The following SORBS2 variants were observed in gnomAD, a reference collection of about 807,000 sequenced individuals.
The protein encoded by SORBS2 is sorbin and SH3 domain containing 2.
A neutral mutation model predicts 97.7 loss-of-function variants in SORBS2; 46 were observed. The ratio of observed to expected loss-of-function variants is 0.47; its 90% confidence interval spans 0.37 to 0.60. The LOEUF (loss-of-function observed/expected upper bound fraction) is 0.60, where lower values mean the gene tolerates loss of function less well. Among genes scored for constraint, SORBS2 ranks in the 20% least tolerant of loss-of-function variants. The probability of loss-of-function intolerance (pLI) is 0.00; values close to 1 mark genes in which losing one functional copy is unlikely to be tolerated. For synonymous variants in SORBS2, 476 were observed against 473.4 expected (o/e 1.01, Z -0.07); for missense variants, 1,316 against 1,282.3 (o/e 1.03, Z -0.40).
intron 1 of SORBS2, among the ~76,000 whole-genome samples, chr4:185,885,756 A>G (rs1435656873): frequency 6.6e-6 from 1 of 152,236 alleles, no homozygotes; most frequent in Non-Finnish European, 1.5e-5. Context: ...TCTGTAGAGA[A>G]AAAAGGTAGC....
chr4:185,857,268 T>A (rs2099221030), intron 1 of SORBS2, among the ~76,000 whole-genome samples: 1 of 152,220 alleles, frequency 6.6e-6, no homozygotes, highest in Admixed American at 6.5e-5. Context: ...TACTGCAGTA[T>A]CTGAACATAA....
intron 11 of SORBS2, among the ~76,000 whole-genome samples, chr4:185,613,663 A>G (rs1383706712): frequency 6.6e-6 from 1 of 151,510 alleles, no homozygotes; most frequent in Non-Finnish European, 1.5e-5. Context: ...AAAAAAAAAA[A>G]AAAAAAGTCA....
At chr4:185,888,596 A>T (rs1421898957) in intron 1 of SORBS2, among the ~76,000 whole-genome samples, 1 of 152,270 alleles carries the variant, frequency 6.6e-6, no homozygotes, top group East Asian at 1.9e-4. Context: ...TGAAACAAAT[A>T]GTGTTCTTTC....
Position 185,638,170 on chromosome 4 carries a change from A to G in SORBS2, c.397-7572T>C. On this transcript the variant is annotated intron_variant, in intron 4 of 14. Coordinates refer to ENST00000418609, the Ensembl canonical transcript of SORBS2. Reference sequence around the variant, plus strand: ...TGGATTTATGCGATCAGTCTAGAGCAGATGTGAAGGAAAAGGGAAGGAAAA... The same window carrying G: ...TGGATTTATGCGATCAGTCTAGAGCGGATGTGAAGGAAAAGGGAAGGAAAA... 1 of 1,567,910 alleles carries G rather than the reference A, an allele frequency of 6.4e-7. No individual in the cohort carries two copies. Among genetic ancestry groups the G allele is most frequent in the Non-Finnish European group, 8.8e-7 (1 of 1,140,376 alleles).
At chr4:185,713,412 C>A (rs1314493793) in intron 2 of SORBS2, among the ~76,000 whole-genome samples, 1 of 152,120 alleles carries the variant, frequency 6.6e-6, no homozygotes, top group Non-Finnish European at 1.5e-5. Flanking sequence ...TACGTGTTTG[C>A]TTTTTATCTC....
At chr4:185,716,746 C>A (rs891861750) in intron 2 of SORBS2, among the ~76,000 whole-genome samples, 1 of 152,142 alleles carries the variant, frequency 6.6e-6, no homozygotes, top group African/African-American at 2.4e-5. Flanking sequence ...CAGCAGCTCC[C>A]TGGATTGAGT....
intron 1 of SORBS2, among the ~76,000 whole-genome samples, chr4:185,911,926 C>A (rs535345368): frequency 1.3e-5 from 2 of 152,270 alleles, no homozygotes; most frequent in Non-Finnish European, 2.9e-5. Context: ...GGCTGCAGGG[C>A]ACAGATAAGA....
chr4:185,844,248 A>G (rs2099213209), intron 1 of SORBS2, among the ~76,000 whole-genome samples: 1 of 152,224 alleles, frequency 6.6e-6, no homozygotes, highest in Non-Finnish European at 1.5e-5. Context: ...TCAAAACTAT[A>G]AAGCTAACAA....
chr4:185,907,350 C>T (rs754325537), intron 1 of SORBS2, among the ~76,000 whole-genome samples: 2 of 152,092 alleles, frequency 1.3e-5, no homozygotes, highest in African/African-American at 2.4e-5. Context: ...GTAAGAAACT[C>T]GTTTAGAGCA....
chr4:185,932,584 A>G (rs10002615), intron 1 of SORBS2, among the ~76,000 whole-genome samples: 116,229 of 152,004 alleles, frequency 0.76, 44,507 homozygotes, highest in Middle Eastern at 0.86. Context: ...CTTTAGCCAG[A>G]GCCAAGATTT....
intron 2 of SORBS2, among the ~76,000 whole-genome samples, chr4:185,683,419 T>C (rs2097903804): frequency 6.6e-6 from 1 of 152,192 alleles, no homozygotes. Context: ...TTGGTTGAAA[T>C]GTCAATGACA....
At chr4:185,690,678 G>T (rs1022962382) in intron 2 of SORBS2, 67 bp from the exon 4 acceptor site, 6 of 649,162 alleles carry the variant, frequency 9.2e-6, no homozygotes, top group South Asian at 2.6e-5. Context: ...AAAGTGTGTC[G>T]CATTTTTGTT....
rs751870067 is a variant in SORBS2, at chr4:185,589,791, A to G, written c.2847-6T>C. 14 of 1,507,118 alleles carry G rather than the reference A, an allele frequency of 9.3e-6. No individual in the cohort carries two copies. The highest frequency in any genetic ancestry group is 1.3e-5 in the Non-Finnish European group (14 of 1,083,042). 93.4% of individuals were successfully genotyped at this position (1,507,118 alleles called of 1,614,324 possible). A position where few individuals can be genotyped will look rare whatever the true frequency, so the allele number is the denominator to read the frequency against. On this transcript the variant is annotated splice_polypyrimidine_tract_variant and splice_region_variant and intron_variant, in intron 13 of 14. Coordinates refer to ENST00000418609, the Ensembl canonical transcript of SORBS2. The stretch of plus-strand genomic sequence containing the variant: ...AGTTATACAGAGCCTGAAACCTTAA[A>G]CAGGACAAGGGAATGTGTTTAAAAA...
intron 1 of SORBS2, among the ~76,000 whole-genome samples, chr4:185,936,845 A>C (rs1561317815): frequency 6.6e-6 from 1 of 152,206 alleles, no homozygotes; most frequent in African/African-American, 2.4e-5. Flanking sequence ...CACTACCAAC[A>C]GCACAGCATG....
intron 2 of SORBS2, among the ~76,000 whole-genome samples, chr4:185,713,005 G>C (rs2098436917): frequency 6.6e-6 from 1 of 152,078 alleles, no homozygotes; most frequent in African/African-American, 2.4e-5. Context: ...GCGTTCCACT[G>C]TTCCCAAAGT....
At chr4:185,705,271 T>C (rs761118220) in intron 2 of SORBS2, among the ~76,000 whole-genome samples, 2 of 152,224 alleles carry the variant, frequency 1.3e-5, no homozygotes, top group Non-Finnish European at 2.9e-5. Flanking sequence ...ATCAAAAACA[T>C]TTTAGGAGTA....
At chr4:185,673,793 C>T (rs1335117872) in intron 4 of SORBS2, among the ~76,000 whole-genome samples, 1 of 152,216 alleles carries the variant, frequency 6.6e-6, no homozygotes, top group East Asian at 1.9e-4. Context: ...AAGAAAGCCT[C>T]CTTCCCCACT....
At chr4:185,939,564 G>A in intron 1 of SORBS2, among the ~76,000 whole-genome samples, 1 of 152,066 alleles carries the variant, frequency 6.6e-6, no homozygotes, top group East Asian at 1.9e-4. Flanking sequence ...AGGCTGGAGT[G>A]CGATGGCGCG....
intron 4 of SORBS2, chr4:185,638,917 G>A (rs2097077287): frequency 6.7e-7 from 1 of 1,502,356 alleles, no homozygotes; most frequent in Non-Finnish European, 8.9e-7. Context: ...GCTTGGTGTG[G>A]GGGCGCCACT....
Sources: allele counts gnomAD v4.1 joint callset (sites outside exome capture counted in the v4.1 genomes callset), GRCh38; gene constraint gnomAD v4.1.1; transcripts MANE v1.5; gene names NCBI Gene and HGNC (gene_info 2026-07-23, HGNC 2026-07-21).